The following VGLL4 variants were observed in gnomAD, a reference collection of about 807,000 sequenced individuals.
The protein encoded by VGLL4 is vestigial like family member 4, also known as transcription cofactor vestigial-like protein 4.
VGLL4 carries 7 observed loss-of-function variants against 21.0 expected under a neutral mutation model. The ratio of observed to expected loss-of-function variants is 0.33; its 90% CI spans 0.19 to 0.63. VGLL4 has a LOEUF of 0.63. Ranked by LOEUF, VGLL4 falls within the 20% of genes least tolerant of loss-of-function variation. VGLL4 has a pLI of 0.78. For missense variants in VGLL4, 394 were observed against 425.7 expected (o/e 0.93, Z 0.66); for synonymous variants, 222 against 173.2 (o/e 1.28, Z -2.21).
At chr3:11,643,333 A>C (rs936115022) in intron 1 of VGLL4, 104 bp downstream of exon 1, 61 of 1,574,720 alleles carry the variant, frequency 3.9e-5, no homozygotes, top group Non-Finnish European at 5.3e-5. Context: ...AGTGCCCTAC[A>C]CCCCGGAGGA....
chr3:11,684,730 C>CTGCGTGTGTGTG lies in VGLL4; in HGVS notation c.64+18240_64+18241insCACACACACGCA, dbSNP rs1553743966. ...ACTGGCCAACTGTTTCAACCTTTTT[C>CTGCGTGTGTGTG]TGTGTGTGTGTGTGTGTGTGTGTGT... is the stretch of plus-strand genomic sequence containing the variant. On this transcript the variant is annotated intron_variant, in intron 2 of 5. Transcript: ENST00000273038. Among the ~76,000 whole-genome samples the CTGCGTGTGTGTG allele has an allele frequency of 7.4e-5, 11 of 148,784 alleles. 1 individual carries two copies. The South Asian group carries it at 1.5e-3, about 20-fold the overall frequency.
intron 1 of VGLL4, among the ~76,000 whole-genome samples, chr3:11,635,497 G>C (rs1020294044): frequency 6.6e-6 from 1 of 150,418 alleles, no homozygotes; most frequent in African/African-American, 2.5e-5. Flanking sequence ...CTAAGATATA[G>C]AGCAGATTCT....
At chr3:11,706,724 T>C (rs1007309908) in intron 1 of VGLL4, among the ~76,000 whole-genome samples, 12 of 151,478 alleles carry the variant, frequency 7.9e-5, no homozygotes, top group African/African-American at 2.9e-4. Flanking sequence ...GTATACTTCC[T>C]AGGTGCAAGG....
intron 2 of VGLL4, among the ~76,000 whole-genome samples, chr3:11,566,247 G>A (rs1475813868): frequency 1.3e-5 from 2 of 152,190 alleles, no homozygotes; most frequent in Non-Finnish European, 2.9e-5. Context: ...ACACACGCAT[G>A]TGATAGGCGT....
intron 1 of VGLL4, among the ~76,000 whole-genome samples, chr3:11,711,702 G>T (rs568369756): frequency 2.0e-5 from 3 of 152,126 alleles, no homozygotes; most frequent in African/African-American, 7.2e-5. Context: ...GGGTGACAGA[G>T]GGAGACCCTG....
intron 2 of VGLL4, among the ~76,000 whole-genome samples, chr3:11,658,233 C>CCTGGATCTTTCCT (rs1559927934): frequency 1.3e-5 from 2 of 152,098 alleles, no homozygotes; most frequent in African/African-American, 4.8e-5. Flanking sequence ...CCATGCCCGG[C>CCTGGATCTTTCCT]TAAAACAAGT....
At chr3:11,647,773 G>T (rs1002213734), upstream of VGLL4, among the ~76,000 whole-genome samples, 1 of 151,816 alleles carries the variant, frequency 6.6e-6, no homozygotes, top group Non-Finnish European at 1.5e-5. Flanking sequence ...GAAGCCTGGC[G>T]CATGGTAGGC....
chr3:11,642,839 C>T (rs1318953592), intron 1 of VGLL4, among the ~76,000 whole-genome samples: 1 of 152,172 alleles, frequency 6.6e-6, no homozygotes, highest in Admixed American at 6.5e-5. Flanking sequence ...GAACACCCCC[C>T]AGTGTCAGCG....
At chr3:11,690,576 G>A (rs368570699) in intron 2 of VGLL4, among the ~76,000 whole-genome samples, 1 of 151,948 alleles carries the variant, frequency 6.6e-6, no homozygotes, top group East Asian at 1.9e-4. Flanking sequence ...CATTTTAAAA[G>A]TAACTACAGT....
intron 2 of VGLL4, among the ~76,000 whole-genome samples, chr3:11,656,299 A>G (rs941027579): frequency 3.3e-5 from 5 of 152,212 alleles, no homozygotes; most frequent in African/African-American, 7.2e-5. Flanking sequence ...CCTCTGTGGA[A>G]AGTGACATCT....
intron 2 of VGLL4, among the ~76,000 whole-genome samples, chr3:11,676,023 T>C (rs2076283479): frequency 6.6e-6 from 1 of 152,222 alleles, no homozygotes. Context: ...ACACACCATA[T>C]GTGACCTTCA....
chr3:11,583,518 T>C (rs2074289017), intron 2 of VGLL4, among the ~76,000 whole-genome samples: 1 of 152,202 alleles, frequency 6.6e-6, no homozygotes, highest in Admixed American at 6.5e-5. Context: ...TTTAAACTTT[T>C]CTGATTTCAG....
intron 2 of VGLL4, chr3:11,702,755 A>T (rs995184012): frequency 1.1e-4 from 34 of 306,820 alleles, no homozygotes; most frequent in Admixed American, 2.5e-4. Flanking sequence ...CAAAAAAAAA[A>T]ACAAACCAGT....
chr3:11,640,009 G>C (rs1215618404), intron 1 of VGLL4, among the ~76,000 whole-genome samples: 1 of 152,226 alleles, frequency 6.6e-6, no homozygotes, highest in Non-Finnish European at 1.5e-5. Context: ...GAAAAACAGA[G>C]TTTCCCTCTC....
intron 2 of VGLL4, chr3:11,702,811 T>C: frequency 2.3e-6 from 1 of 427,982 alleles, no homozygotes; most frequent in East Asian, 4.3e-5. Context: ...TTCTTGAAAA[T>C]ACAAATGAGG....
In VGLL4 at chr3:11,653,653, C is replaced by T. The variant is rs368150169; in HGVS notation, c.64+49318G>A. On this transcript the variant is annotated intron_variant, in intron 2 of 5. Coordinates refer to the VGLL4 transcript ENST00000273038. This position sits in a 1 kb window ranked among gnomAD's most constrained non-coding sequence, Gnocchi z 4.2. ...TTTCTGTCGCACATGTACTCAGAAG[C>T]AGATACGCAGAAAGTGTATGTTCAG... 1.8e-4 allele frequency among the ~76,000 whole-genome samples: 28 copies of T among 152,278 alleles called. No individual in the cohort carries two copies. The South Asian group carries it at 5.8e-3, about 32-fold the overall frequency.
chr3:11,702,298 T>C (rs1007989350), intron 2 of VGLL4, among the ~76,000 whole-genome samples: 1 of 151,944 alleles, frequency 6.6e-6, no homozygotes, highest in African/African-American at 2.4e-5. Context: ...CGGTTCAAAC[T>C]CTAGCATACA....
chr3:11,560,661 C>G (rs550130214), intron 3 of VGLL4, among the ~76,000 whole-genome samples: 1 of 152,266 alleles, frequency 6.6e-6, no homozygotes, highest in East Asian at 1.9e-4. Context: ...GTGCTTGGGT[C>G]TAACAAGAAG....
In VGLL4 at chr3:11,562,082, A is replaced by G. The variant is rs570108500; in HGVS notation, c.496-2627T>C. 2.2e-4 allele frequency among the ~76,000 whole-genome samples: 34 copies of G among 151,826 alleles called. No individual in the cohort carries two copies. In the South Asian group the frequency reaches 6.3e-3, roughly 28 times the overall value. On this transcript the variant is annotated intron_variant, in intron 3 of 4. Transcript: ENST00000430365. ...CTGGCTAATTTTTGTACTTTTAGTA[A>G]AAACAGGGTTTCACCATGTTGGCCA...
Sources: allele counts gnomAD v4.1 joint callset (sites outside exome capture counted in the v4.1 genomes callset), GRCh38; gene constraint gnomAD v4.1.1; non-coding constraint Gnocchi (gnomAD v3.1); transcripts MANE v1.5; gene names NCBI Gene and HGNC (gene_info 2026-07-23, HGNC 2026-07-21).